The following RUBCN variants were observed in gnomAD, a reference collection of about 807,000 sequenced individuals.
RUBCN encodes the protein run domain Beclin-1-interacting and cysteine-rich domain-containing protein.
A neutral mutation model predicts 113.2 loss-of-function variants in RUBCN; 74 were observed. The observed-to-expected ratio is 0.65, with a 90% CI of 0.54 to 0.79. RUBCN has a LOEUF of 0.79. Among genes scored for constraint, RUBCN ranks in the 30% least tolerant of loss-of-function variants. RUBCN has a pLI of 0.00. For missense variants in RUBCN, 1,109 were observed against 1,251.7 expected (o/e 0.89, Z 1.72); for synonymous variants, 480 against 490.0 (o/e 0.98, Z 0.27).
intron 1 of RUBCN, 83 bp downstream of exon 1, chr3:197,736,572 T>A: frequency 7.2e-7 from 1 of 1,396,358 alleles, no homozygotes; most frequent in East Asian, 2.5e-5. Context: ...CCGGCCCTTC[T>A]CTCCGTGACC....
In RUBCN at chr3:197,673,332, C is replaced by CT. The variant is rs938681599; in HGVS notation, c.*1685dup. ...AGCCCTGGCCATCACCTTAATGCCT[C>CT]TCCCACTTCCCTGGGAGACTCCTTC... On this transcript the variant is annotated 3_prime_UTR_variant, in exon 20 of 20. Transcript: ENST00000296343. 7 of 152,460 alleles carry CT rather than the reference C, an allele frequency of 4.6e-5. No homozygotes were observed. The highest frequency in any genetic ancestry group is 1.7e-4 in the African/African-American group (7 of 41,448). The allele number at this position is 152,460 out of a possible 1,614,324, so 9.4% of individuals were successfully genotyped here.
chr3:197,704,076 C>T (rs75547849), intron 4 of RUBCN, among the ~76,000 whole-genome samples: 1,666 of 152,250 alleles, frequency 0.011, 21 homozygotes, highest in Middle Eastern at 0.051. Context: ...TTGTGTCTTA[C>T]TTGGGAGGTG....
At position 197,736,776 on chromosome 3, in the gene RUBCN, T is replaced by C. The variant is rs1728189798; in HGVS notation, c.-57A>G. On this transcript the variant is annotated 5_prime_UTR_variant, in exon 1 of 20. Transcript: ENST00000296343. ...AGAGGCGTCCCTGCCGCTTCGCCCT[T>C]CAGGGCTCCCGGGGCCCCCTGGGGC... 1 of 1,512,816 alleles carries C rather than the reference T, an allele frequency of 6.6e-7. No individual in the cohort carries two copies. The highest frequency in any genetic ancestry group is 8.8e-7 in the Non-Finnish European group (1 of 1,137,224). 93.7% of individuals were successfully genotyped at this position (1,512,816 alleles called of 1,614,324 possible).
upstream of RUBCN, among the ~76,000 whole-genome samples, chr3:197,738,784 G>T (rs1469899026): frequency 6.6e-6 from 1 of 151,518 alleles, no homozygotes; most frequent in Non-Finnish European, 1.5e-5. Flanking sequence ...TAGAGACAGG[G>T]TCTCACTGTG....
chr3:197,741,063 A>G (rs539137864), upstream of RUBCN, among the ~76,000 whole-genome samples: 211 of 152,346 alleles, frequency 1.4e-3, 1 homozygote, highest in African/African-American at 4.8e-3. Context: ...TATTCATTGC[A>G]CTATTTTTGC....
rs938608003 is a variant in RUBCN at position 197,672,954 on chromosome 3, G to A, written c.*2064C>T. On this transcript the variant is annotated 3_prime_UTR_variant, in exon 20 of 20. Transcript: ENST00000296343. The stretch of plus-strand genomic sequence containing the variant: ...GATCCGCCCGCACTGGCCTCCCAAA[G>A]TGCTGGGATTACAGGTGTGAGCCAC... 4 of 152,370 alleles carry A rather than the reference G, an allele frequency of 2.6e-5. No homozygotes were observed. Among genetic ancestry groups the A allele is most frequent in the Non-Finnish European group, 4.4e-5 (3 of 68,158 alleles). The allele number at this position is 152,370 out of a possible 1,614,324, so 9.4% of individuals were successfully genotyped here. A position where few individuals can be genotyped will look rare whatever the true frequency, so the allele number is the denominator to read the frequency against.
chr3:197,702,716 G>A (rs1321537610), intron 5 of RUBCN, among the ~76,000 whole-genome samples: 1 of 152,078 alleles, frequency 6.6e-6, no homozygotes, highest in Non-Finnish European at 1.5e-5. Context: ...TGGAGAGATA[G>A]GGGATCTGCT....
chr3:197,748,600 T>C (rs1728861731), intron 1 of RUBCN, among the ~76,000 whole-genome samples: 1 of 152,218 alleles, frequency 6.6e-6, no homozygotes, highest in Non-Finnish European at 1.5e-5. Flanking sequence ...GCTGGAAACA[T>C]AATCTGTGTG....
At chr3:197,678,282 T>C (rs1720705333) in intron 16 of RUBCN, among the ~76,000 whole-genome samples, 1 of 149,638 alleles carries the variant, frequency 6.7e-6, no homozygotes, top group African/African-American at 2.5e-5. Flanking sequence ...CTCCAGACTG[T>C]CCTATGCTCT....
intron 1 of RUBCN, among the ~76,000 whole-genome samples, chr3:197,720,109 G>A (rs1391717199): frequency 6.6e-6 from 1 of 152,046 alleles, no homozygotes; most frequent in Non-Finnish European, 1.5e-5. Flanking sequence ...CAGAGCACCA[G>A]AACGTACTCC....
At chr3:197,749,352 G>C in exon 1 of RUBCN, 1 of 1,169,832 alleles carries the variant, frequency 8.5e-7, no homozygotes, top group Non-Finnish European at 1.1e-6. Context: ...AGAAGGTACA[G>C]ACACGGGAAA....
intron 11 of RUBCN, chr3:197,691,164 G>A: frequency 9.1e-6 from 11 of 1,203,512 alleles, no homozygotes; most frequent in Non-Finnish European, 1.1e-5. Flanking sequence ...TAATAATGAT[G>A]ATAAAAGGGG....
intron 1 of RUBCN, among the ~76,000 whole-genome samples, chr3:197,731,490 G>A (rs899784376): frequency 7.2e-5 from 11 of 152,342 alleles, no homozygotes; most frequent in African/African-American, 1.4e-4. Flanking sequence ...ATCATGGCCC[G>A]TTCTCAATGA....
At chr3:197,736,508 G>A in intron 1 of RUBCN, 147 bp downstream of exon 1, 2 of 440,716 alleles carry the variant, frequency 4.5e-6, no homozygotes, top group South Asian at 1.6e-5. Flanking sequence ...CTTCCTCTGC[G>A]AAATGCTTCC....
At chr3:197,734,897 A>G (rs1442494000) in intron 1 of RUBCN, among the ~76,000 whole-genome samples, 1 of 152,212 alleles carries the variant, frequency 6.6e-6, no homozygotes, top group Non-Finnish European at 1.5e-5. Flanking sequence ...CAGGAGCCCC[A>G]AAGTCCTGTC....
At chr3:197,688,220 T>G (rs1415653238) in intron 11 of RUBCN, among the ~76,000 whole-genome samples, 2 of 152,134 alleles carry the variant, frequency 1.3e-5, no homozygotes. Context: ...AGAGACAGGG[T>G]TTCACCATGT....
At chr3:197,716,633 G>T (rs1725547661) in intron 2 of RUBCN, among the ~76,000 whole-genome samples, 1 of 152,188 alleles carries the variant, frequency 6.6e-6, no homozygotes, top group Non-Finnish European at 1.5e-5. Context: ...CTAATTCCTA[G>T]AACCTGGGAA....
Position 197,675,808 on chromosome 3 carries a change from G to A in RUBCN, c.2647-293C>T, listed in dbSNP as rs927552231. Among the ~76,000 whole-genome samples, 2 of 150,566 alleles carry A rather than the reference G, an allele frequency of 1.3e-5. No homozygotes were observed. Among genetic ancestry groups the A allele is most frequent in the South Asian group, 2.1e-4 (1 of 4,668 alleles). ...GGCACCACAAAGGGCTTCCTAAGCC[G>A]ACAGTCCCATCTGGGTCATGATTTT... is the stretch of plus-strand genomic sequence containing the variant. On this transcript the variant is annotated intron_variant, in intron 18 of 19. Coordinates refer to ENST00000296343, the MANE Select transcript of RUBCN (RefSeq NM_014687.4). This position sits in a 1 kb window ranked among gnomAD's most constrained non-coding sequence, Gnocchi z 4.4.
intron 1 of RUBCN, among the ~76,000 whole-genome samples, chr3:197,725,018 A>G (rs1726581490): frequency 6.6e-6 from 1 of 152,146 alleles, no homozygotes; most frequent in Non-Finnish European, 1.5e-5. Context: ...GTCTCTACAA[A>G]AAAACTAAAA....
Sources: gnomAD v4.1 joint callset for allele counts (sites outside exome capture counted in the v4.1 genomes callset) on GRCh38, gnomAD v4.1.1 for gene constraint, Gnocchi (gnomAD v3.1) non-coding constraint, MANE v1.5 for transcripts, NCBI Gene and HGNC (gene_info 2026-07-23, HGNC 2026-07-21) for gene names.